The following MTR variants were observed in gnomAD, a reference collection of about 807,000 sequenced individuals.
The protein encoded by MTR is 5-methyltetrahydrofolate-homocysteine methyltransferase.
MTR carries 84 observed loss-of-function variants against 154.8 expected under a neutral mutation model. The observed-to-expected ratio is 0.54, with a 90% CI of 0.45 to 0.65. The LOEUF (loss-of-function observed/expected upper bound fraction) is 0.65, where lower values mean the gene tolerates loss of function less well. MTR is among the 30% of genes least tolerant of loss of function. The pLI, the probability that MTR is intolerant of heterozygous loss-of-function variation, is 0.00. For missense variants in MTR, 1,275 were observed against 1,570.2 expected (o/e 0.81, Z 3.18); for synonymous variants, 554 against 553.9 (o/e 1.00, Z 0.00).
intron 20 of MTR, among the ~76,000 whole-genome samples, chr1:236,861,538 C>T (rs900714722): frequency 6.6e-6 from 1 of 152,110 alleles, no homozygotes; most frequent in African/African-American, 2.4e-5. Flanking sequence ...TCACCTCTTA[C>T]CCCCAGTGCC....
chr1:236,813,275 G>T (rs191210880), intron 6 of MTR, among the ~76,000 whole-genome samples: 2 of 152,274 alleles, frequency 1.3e-5, no homozygotes, highest in African/African-American at 4.8e-5. Context: ...AGGCATGTGT[G>T]TATGTGTGTG....
chr1:236,807,654 T>G (rs1661061608), intron 3 of MTR, among the ~76,000 whole-genome samples: 2 of 152,220 alleles, frequency 1.3e-5, no homozygotes, highest in Admixed American at 1.3e-4. Context: ...ACCTTGATGA[T>G]AGAAATATAT....
chr1:236,836,636 C>T (rs1395117671), intron 14 of MTR, among the ~76,000 whole-genome samples: 1 of 152,140 alleles, frequency 6.6e-6, no homozygotes, highest in Non-Finnish European at 1.5e-5. Flanking sequence ...TAGGCTTCAG[C>T]AGATTCAGCA....
At chr1:236,886,418 T>A (rs749641768) in intron 27 of MTR, 51 bp downstream of exon 27, 2 of 1,560,768 alleles carry the variant, frequency 1.3e-6, no homozygotes, top group Non-Finnish European at 8.8e-7. Flanking sequence ...ACTGACAGTG[T>A]GCTGAGGAAA....
At chr1:236,821,988 T>A (rs1336710769) in intron 8 of MTR, among the ~76,000 whole-genome samples, 2 of 152,222 alleles carry the variant, frequency 1.3e-5, no homozygotes, top group Non-Finnish European at 2.9e-5. Context: ...GTTGGGTAGG[T>A]CAGTCCTTCA....
At chr1:236,888,187 A>C (rs1246727626) in intron 27 of MTR, among the ~76,000 whole-genome samples, 1 of 152,328 alleles carries the variant, frequency 6.6e-6, no homozygotes, top group African/African-American at 2.4e-5. Context: ...TAGAATAGGA[A>C]GTTCCCTGAT....
chr1:236,827,218 C>G (rs774094168), intron 11 of MTR, among the ~76,000 whole-genome samples: 7 of 152,184 alleles, frequency 4.6e-5, no homozygotes, highest in Non-Finnish European at 1.0e-4. Context: ...TGAAAGAGGC[C>G]TTAAAAGAAA....
At position 236,880,786 on chromosome 1, in the gene MTR, T is replaced by TA; in HGVS notation, c.2627dup (p.Tyr876Ter). The TA allele has an allele frequency of 6.2e-7, 1 of 1,614,226 alleles. No homozygotes were observed. ...THTAVKIAPR[Y>*]SAPVIHVLDA... The stretch of plus-strand genomic sequence containing the variant: ...CACAGCAGTTAAAATAGCTCCGAGA[T>TA]ACAGTGCACCTGTAATCCATGTCCT... The change falls in exon 25 of 33, where the codon TAC becomes TAAC. Residue 876 changes from tyrosine to a stop codon, truncating the protein, a stop_gained and frameshift_variant. Coordinates refer to ENST00000366577, the MANE Select transcript of MTR (RefSeq NM_000254.3). LOFTEE classifies it high-confidence loss of function.
chr1:236,846,774 A>AT (rs765624344), intron 15 of MTR, among the ~76,000 whole-genome samples: 39 of 151,490 alleles, frequency 2.6e-4, no homozygotes, highest in Admixed American at 7.2e-4. Context: ...TGATTTTTAG[A>AT]TTTTTTCCCT....
At chr1:236,876,394 G>A (rs1216648252) in intron 24 of MTR, among the ~76,000 whole-genome samples, 4 of 152,200 alleles carry the variant, frequency 2.6e-5, no homozygotes, top group Non-Finnish European at 5.9e-5. Flanking sequence ...CAAGGGATAT[G>A]GCCACCCATT....
intron 27 of MTR, 119 bp downstream of exon 27, chr1:236,886,486 C>G: frequency 1.1e-6 from 1 of 883,796 alleles, no homozygotes. Context: ...TCAACTGTGT[C>G]TAATGCTGAT....
In MTR at chr1:236,812,344, C is replaced by T. The variant is rs552256688; in HGVS notation, c.503-394C>T. Among the ~76,000 whole-genome samples the T allele has an allele frequency of 3.3e-5, 5 of 152,372 alleles. 1 individual carries two copies. In the Middle Eastern group the frequency reaches 0.01, roughly 311 times the overall value. ...TCACAGAGAGTGACTTCTACTCAAC[C>T]TGTGACCTCTCTGCATCAGTGTGGC... is the stretch of plus-strand genomic sequence containing the variant. On this transcript the variant is annotated intron_variant, in intron 5 of 32. Coordinates refer to ENST00000366577, the MANE Select transcript of MTR (RefSeq NM_000254.3).
chr1:236,889,927 T>TGATAAAC (rs993237368), intron 28 of MTR, among the ~76,000 whole-genome samples: 15 of 152,030 alleles, frequency 9.9e-5, no homozygotes, highest in Admixed American at 7.2e-4. Flanking sequence ...GGATTTAGGG[T>TGATAAAC]GATAAACTAG....
At chr1:236,852,891 T>C in intron 17 of MTR, 57 bp from the exon 18 acceptor site, 1 of 1,601,270 alleles carries the variant, frequency 6.2e-7, no homozygotes, top group Non-Finnish European at 8.6e-7. Flanking sequence ...AAAAGTTTGC[T>C]GATCGCTGAC....
In MTR at chr1:236,812,815, G is replaced by T; in HGVS notation, c.580G>T (p.Glu194Ter). The T allele has an allele frequency of 6.2e-7, 1 of 1,614,080 alleles. No homozygotes were observed. The highest frequency in any genetic ancestry group is 8.5e-7 in the Non-Finnish European group (1 of 1,179,986). The change falls in exon 6 of 33, where the codon GAA (glutamate) becomes TAA (stop). Residue 194 changes from glutamate to a stop codon, truncating the protein, a stop_gained. Transcript: ENST00000366577. LOFTEE classifies it high-confidence loss of function. ...TGGCGGGGTTGATATCTTACTCATT[G>T]AAACTATTTTTGATACTGCCAATGC... is the stretch of plus-strand genomic sequence containing the variant. Reference protein sequence around the residue: ...LDGGVDILLIETIFDTANAKA... With the variant: ...LDGGVDILLI
At chr1:236,888,715 G>A (rs981907013) in intron 27 of MTR, among the ~76,000 whole-genome samples, 1 of 152,168 alleles carries the variant, frequency 6.6e-6, no homozygotes, top group Admixed American at 6.5e-5. Flanking sequence ...TCCTGAATTT[G>A]GGACTTCATT....
chr1:236,886,668 G>A (rs1164456637), intron 27 of MTR, among the ~76,000 whole-genome samples: 1 of 152,142 alleles, frequency 6.6e-6, no homozygotes, highest in African/African-American at 2.4e-5. Context: ...AGTTTTGGGT[G>A]GAAACTTGAA....
intron 15 of MTR, among the ~76,000 whole-genome samples, chr1:236,844,839 G>T (rs562279286): frequency 5.3e-5 from 8 of 152,176 alleles, no homozygotes; most frequent in African/African-American, 1.9e-4. Flanking sequence ...GGGATCTGTG[G>T]TGCTTAACTA....
rs1389506182 is a variant in MTR, at chr1:236,903,796, A to G, written c.*6152A>G. 6.6e-6 allele frequency: 1 copy of G among 152,214 alleles called. No individual in the cohort carries two copies. The highest frequency in any genetic ancestry group is 2.4e-5 in the African/African-American group (1 of 41,464). 9.4% of individuals were successfully genotyped at this position (152,214 alleles called of 1,614,324 possible). ...TCCCAGAGAGAAACTCGGCAAAGAG[A>G]AAAAGGACATTTCCCTCCAGGTTAT... is the stretch of plus-strand genomic sequence containing the variant. On this transcript the variant is annotated 3_prime_UTR_variant, in exon 33 of 33. Coordinates refer to ENST00000366577, the MANE Select transcript of MTR (RefSeq NM_000254.3).
Sources: gnomAD v4.1 joint callset for allele counts (sites outside exome capture counted in the v4.1 genomes callset) on GRCh38, gnomAD v4.1.1 for gene constraint, MANE v1.5 for transcripts, NCBI Gene and HGNC (gene_info 2026-07-23, HGNC 2026-07-21) for gene names.